Variants in CIDEA observed in about 807,000 individuals in gnomAD.
CIDEA encodes lipid transferase CIDEA.
A neutral mutation model predicts 18.2 loss-of-function variants in CIDEA; 10 were observed. The ratio of observed to expected loss-of-function variants is 0.55; its 90% confidence interval spans 0.34 to 0.93. The LOEUF is 0.93. Among genes scored for constraint, CIDEA ranks in the 40% least tolerant of loss-of-function variants. The pLI, the probability that CIDEA is intolerant of heterozygous loss-of-function variation, is 0.02. For synonymous variants in CIDEA, 128 were observed against 124.8 expected (o/e 1.03, Z -0.17); for missense variants, 309 against 293.1 (o/e 1.05, Z -0.40).
At chr18:12,259,752 T>A (rs978748770) in intron 1 of CIDEA, among the ~76,000 whole-genome samples, 1 of 152,082 alleles carries the variant, frequency 6.6e-6, no homozygotes, top group Non-Finnish European at 1.5e-5. Flanking sequence ...CCCCAGCTAC[T>A]CAGGAGGCTG....
intron 3 of CIDEA, among the ~76,000 whole-genome samples, chr18:12,271,842 C>T (rs1251770453): frequency 6.6e-6 from 1 of 151,796 alleles, no homozygotes; most frequent in African/African-American, 2.4e-5. Context: ...TCTCGCTCCC[C>T]GGTCCCAGCG....
chr18:12,254,479 G>A, intron 1 of CIDEA, 58 bp downstream of exon 1: 4 of 1,575,324 alleles, frequency 2.5e-6, no homozygotes, highest in African/African-American at 1.3e-5. Flanking sequence ...GCGTTCGGTG[G>A]CCTCATATTC....
intron 1 of CIDEA, among the ~76,000 whole-genome samples, chr18:12,257,615 C>T (rs1243707037): frequency 6.6e-6 from 1 of 152,230 alleles, no homozygotes; most frequent in Non-Finnish European, 1.5e-5. Context: ...GAGAGACATG[C>T]CGTTTCACAG....
intron 3 of CIDEA, among the ~76,000 whole-genome samples, chr18:12,268,640 C>T (rs1912428837): frequency 6.6e-6 from 1 of 151,888 alleles, no homozygotes; most frequent in African/African-American, 2.4e-5. Flanking sequence ...TGAGCTCCAG[C>T]GATCCACTAC....
intron 3 of CIDEA, among the ~76,000 whole-genome samples, chr18:12,272,739 A>C (rs1912587235): frequency 6.7e-6 from 1 of 149,102 alleles, no homozygotes; most frequent in African/African-American, 2.4e-5. Flanking sequence ...ACCTCACAAA[A>C]TTTTATTTTC....
chr18:12,264,495 T>A, intron 3 of CIDEA, 42 bp downstream of exon 3: 1 of 1,516,030 alleles, frequency 6.6e-7, no homozygotes, highest in Non-Finnish European at 8.9e-7. Flanking sequence ...CTGGGTAGAC[T>A]TTTTACCTAC....
chr18:12,263,646 T>C (rs148404410), intron 2 of CIDEA: 7 of 152,338 alleles, frequency 4.6e-5, no homozygotes, highest in African/African-American at 1.4e-4. Context: ...GGTTTGGTTG[T>C]AAAGGCCAGG....
intron 1 of CIDEA, among the ~76,000 whole-genome samples, chr18:12,260,630 C>T (rs1228650162): frequency 3.9e-5 from 6 of 152,160 alleles, no homozygotes; most frequent in African/African-American, 7.2e-5. Flanking sequence ...AATATAACAA[C>T]GAAGTCTTTA....
rs545600505 is a variant in CIDEA, at chr18:12,255,910, C to T, written c.38+1489C>T. ...TTGGGAAACCTTGAGTCTCCTAGGA[C>T]ACATTCCTTCCAGCTTGGCTCATCC... On this transcript the variant is annotated intron_variant, in intron 1 of 4. Transcript: ENST00000320477. Among the ~76,000 whole-genome samples, 6 of 152,346 alleles carry T rather than the reference C, an allele frequency of 3.9e-5. No homozygotes were observed. In the South Asian group the frequency reaches 1.2e-3, roughly 32 times the overall value.
intron 1 of CIDEA, among the ~76,000 whole-genome samples, chr18:12,260,540 G>C (rs1274293644): frequency 6.6e-6 from 1 of 152,052 alleles, no homozygotes. Context: ...ATTTTCACTT[G>C]GATCCATTTG....
intron 3 of CIDEA, among the ~76,000 whole-genome samples, chr18:12,273,653 C>T (rs1476935173): frequency 6.6e-6 from 1 of 152,194 alleles, no homozygotes; most frequent in East Asian, 1.9e-4. Context: ...TGGTACTTTC[C>T]ACCCAGTAGC....
intron 3 of CIDEA, among the ~76,000 whole-genome samples, chr18:12,268,442 T>A (rs1364325504): frequency 7.2e-6 from 1 of 139,798 alleles, no homozygotes; most frequent in Non-Finnish European, 1.6e-5. Flanking sequence ...TGTCGCCCAC[T>A]CTGGAGTGCA....
At chr18:12,257,794 G>T (rs1438998423) in intron 1 of CIDEA, among the ~76,000 whole-genome samples, 1 of 152,116 alleles carries the variant, frequency 6.6e-6, no homozygotes, top group Non-Finnish European at 1.5e-5. Flanking sequence ...TCTCATGTGT[G>T]GTGTGTCTAA....
chr18:12,275,299 C>T (rs58947521), intron 4 of CIDEA, among the ~76,000 whole-genome samples: 7,073 of 152,254 alleles, frequency 0.046, 559 homozygotes, highest in African/African-American at 0.16. Context: ...GCCATAACCA[C>T]ACCACTGCAC....
At chr18:12,258,692 G>GGTCT (rs1231826054) in intron 1 of CIDEA, among the ~76,000 whole-genome samples, 15 of 152,232 alleles carry the variant, frequency 9.9e-5, no homozygotes, top group Admixed American at 8.5e-4. Context: ...TTCAGACCCT[G>GGTCT]GTCTAGCCTT....
intron 3 of CIDEA, among the ~76,000 whole-genome samples, chr18:12,272,293 A>G (rs967794831): frequency 6.6e-6 from 1 of 151,820 alleles, no homozygotes; most frequent in Non-Finnish European, 1.5e-5. Context: ...GCTCACTGCA[A>G]CCTCTACCTC....
intron 3 of CIDEA, among the ~76,000 whole-genome samples, chr18:12,268,063 TG>T (rs1162030468): frequency 6.6e-6 from 1 of 152,060 alleles, no homozygotes; most frequent in Non-Finnish European, 1.5e-5. Context: ...AATTGTTTTT[TG>T]TTTGTTTGCT....
chr18:12,255,403 T>G (rs535358471), intron 1 of CIDEA, among the ~76,000 whole-genome samples: 11 of 152,332 alleles, frequency 7.2e-5, no homozygotes, highest in African/African-American at 2.2e-4. Context: ...TCCCGGGTTC[T>G]TAAATGGGAG....
intron 1 of CIDEA, among the ~76,000 whole-genome samples, chr18:12,259,253 T>C (rs1390299516): frequency 2.6e-5 from 4 of 152,240 alleles, no homozygotes; most frequent in Admixed American, 1.3e-4. Context: ...CAACTTTGTC[T>C]ACCCAGAAGG....
Sources: allele counts gnomAD v4.1 joint callset (sites outside exome capture counted in the v4.1 genomes callset), GRCh38; gene constraint gnomAD v4.1.1; transcripts MANE v1.5; gene names NCBI Gene and HGNC (gene_info 2026-07-23, HGNC 2026-07-21).